The following LGR6 variants were observed in gnomAD, a reference collection of about 807,000 sequenced individuals.
The protein encoded by LGR6 is leucine rich repeat containing G protein-coupled receptor 6.
Under a neutral mutation model 69.4 loss-of-function variants are expected in LGR6, and 45 were observed. The ratio of observed to expected loss-of-function variants is 0.65; its 90% CI spans 0.51 to 0.83. LGR6 has a LOEUF of 0.83. Ranked by LOEUF, LGR6 falls within the 40% of genes least tolerant of loss-of-function variation. The pLI, the probability that LGR6 is intolerant of heterozygous loss-of-function variation, is 0.00. For missense variants in LGR6, 1,108 were observed against 1,246.7 expected, an observed-to-expected ratio of 0.89 and a Z score of 1.68; for synonymous variants, 538 against 555.0, an observed-to-expected ratio of 0.97 and a Z score of 0.43.
intron 2 of LGR6, among the ~76,000 whole-genome samples, chr1:202,227,616 C>T (rs1201454354): frequency 6.6e-6 from 1 of 152,060 alleles, no homozygotes; most frequent in Non-Finnish European, 1.5e-5. Flanking sequence ...AAACTGTGGC[C>T]GTGAGCCTTC....
intron 4 of LGR6, among the ~76,000 whole-genome samples, chr1:202,257,355 AT>A (rs1288963463): frequency 6.6e-6 from 1 of 152,160 alleles, no homozygotes; most frequent in African/African-American, 2.4e-5. Flanking sequence ...TTTTGGTGTT[AT>A]ATCTAAAAAA....
intron 14 of LGR6, 149 bp from the exon 15 acceptor site, chr1:202,308,902 C>A: frequency 3.3e-6 from 3 of 906,894 alleles, no homozygotes; most frequent in South Asian, 1.7e-5. Flanking sequence ...CCTCCCTCGG[C>A]ATTCAATGCT....
chr1:202,198,318 T>C (rs544276532), intron 1 of LGR6, among the ~76,000 whole-genome samples: 4 of 152,344 alleles, frequency 2.6e-5, no homozygotes, highest in African/African-American at 4.8e-5. Context: ...TGATTAGCCC[T>C]TCTGTGACTT....
chr1:202,218,568 A>C (rs927830866), intron 1 of LGR6, among the ~76,000 whole-genome samples: 1 of 152,218 alleles, frequency 6.6e-6, no homozygotes, highest in Non-Finnish European at 1.5e-5. Context: ...ACTTATGAGC[A>C]AGGCCAGGGA....
At chr1:202,306,579 G>A (rs935014490) in intron 12 of LGR6, among the ~76,000 whole-genome samples, 6 of 151,346 alleles carry the variant, frequency 4.0e-5, no homozygotes, top group African/African-American at 1.5e-4. Context: ...TGGGAGGTGT[G>A]GGGGCCAGTT....
chr1:202,222,398 T>A (rs909206202), intron 1 of LGR6, among the ~76,000 whole-genome samples: 1 of 151,116 alleles, frequency 6.6e-6, no homozygotes, highest in African/African-American at 2.4e-5. Context: ...CTAGTCAGGG[T>A]GGTGGGGCAG....
intron 1 of LGR6, chr1:202,197,520 AC>A (rs1219984548): frequency 1.2e-5 from 6 of 521,470 alleles, no homozygotes; most frequent in Non-Finnish European, 2.4e-5. Flanking sequence ...CTGGAAATAG[AC>A]CAAGAGGGAG....
rs1659600718 is a variant in LGR6 at position 202,214,222 on chromosome 1, G to A, written c.213-11201G>A. On this transcript the variant is annotated intron_variant, in intron 1 of 17. Transcript: ENST00000367278. ...AACCTCTCCCGGGCTGGGAGTGCAC[G>A]GCGCGGTGCGCCCAGGTAGGCTTGG... 6 of 1,541,234 alleles carry A rather than the reference G, an allele frequency of 3.9e-6. No homozygotes were observed. The East Asian group carries it at 1.1e-4, about 27-fold the overall frequency.
rs1157325752 is a variant in LGR6 at position 202,268,523 on chromosome 1, T to C, written c.429-7783T>C. On this transcript the variant is annotated intron_variant, in intron 4 of 17. Transcript: ENST00000367278. The surrounding 1 kb of genome is among the most constrained non-coding windows in gnomAD (Gnocchi z 4.4). ...TCCATTCTGTACTCCAACCAGAGAC[T>C]GAGATGTCCCCCTCCCCACCCACAT... Among the ~76,000 whole-genome samples the C allele has an allele frequency of 2.0e-5, 3 of 151,906 alleles. No homozygotes were observed. Among genetic ancestry groups the C allele is most frequent in the African/African-American group, 7.3e-5 (3 of 41,322 alleles).
intron 9 of LGR6, among the ~76,000 whole-genome samples, chr1:202,302,604 T>C (rs1386840208): frequency 2.0e-5 from 3 of 152,098 alleles, no homozygotes; most frequent in African/African-American, 4.8e-5. Flanking sequence ...TGGAGTGCAA[T>C]AGCGCAGTCT....
chr1:202,254,899 C>CAA (rs71890535), intron 4 of LGR6, among the ~76,000 whole-genome samples: 7 of 124,402 alleles, frequency 5.6e-5, no homozygotes, highest in East Asian at 2.1e-4. Context: ...TCTGTCTCTA[C>CAA]AAAAAAAAAA....
chr1:202,275,809 A>G lies in LGR6; in HGVS notation c.429-497A>G, dbSNP rs74493227. ...CTCCATTATATGGTCTTGGACTATC[A>G]TAGAACAGTTAGCAAGGTCGAGGTC... is the stretch of plus-strand genomic sequence containing the variant. On this transcript the variant is annotated intron_variant, in intron 4 of 17. Transcript: ENST00000367278. 3.0e-3 allele frequency among the ~76,000 whole-genome samples: 452 copies of G among 152,296 alleles called. 5 individuals carry two copies. Among genetic ancestry groups the G allele is most frequent in the African/African-American group, 0.01 (436 of 41,562 alleles).
intron 1 of LGR6, among the ~76,000 whole-genome samples, chr1:202,219,472 C>T (rs1660004942): frequency 1.3e-5 from 2 of 152,180 alleles, no homozygotes; most frequent in South Asian, 2.1e-4. Flanking sequence ...TAGAGGATGC[C>T]TAATTAAGAG....
At chr1:202,214,338 C>G (rs1307656452) in intron 1 of LGR6, 24 of 1,179,704 alleles carry the variant, frequency 2.0e-5, no homozygotes, top group Non-Finnish European at 1.2e-5. Context: ...TGGGGCGCTA[C>G]CCGGGCCGGC....
chr1:202,276,234 GC>G, intron 4 of LGR6, 71 bp from the exon 5 acceptor site: 1 of 1,309,908 alleles, frequency 7.6e-7, no homozygotes. Context: ...GGCCTGGCTG[GC>G]CCAGTCTAGC....
intron 5 of LGR6, among the ~76,000 whole-genome samples, 191 bp downstream of exon 5, chr1:202,276,712 A>G (rs1665589787): frequency 6.6e-6 from 1 of 152,210 alleles, no homozygotes; most frequent in Admixed American, 6.5e-5. Context: ...CATGAGGTCA[A>G]ATGACATGAG....
At position 202,264,176 on chromosome 1, in the gene LGR6, A is replaced by G. The variant is rs1664463498; in HGVS notation, c.429-12130A>G. Among the ~76,000 whole-genome samples the G allele has an allele frequency of 5.3e-5, 8 of 152,194 alleles. No individual in the cohort carries two copies. In the South Asian group the frequency reaches 1.7e-3, roughly 32 times the overall value. On this transcript the variant is annotated intron_variant, in intron 4 of 17. Transcript: ENST00000367278. Reference sequence around the variant, plus strand: ...TGGGAGCTCTTGGGAATGAGGGAGAAAATAGATTGTGGGAAGGACTGGAAC... The same window carrying G: ...TGGGAGCTCTTGGGAATGAGGGAGAGAATAGATTGTGGGAAGGACTGGAAC...
At chr1:202,205,400 A>G (rs1156959493) in intron 1 of LGR6, among the ~76,000 whole-genome samples, 2 of 33,806 alleles carry the variant, frequency 5.9e-5, no homozygotes, top group South Asian at 9.1e-4. Context: ...TCCTTCAAAC[A>G]CACACACCTC....
intron 6 of LGR6, 48 bp downstream of exon 6, chr1:202,280,900 G>A (rs1297319457): frequency 1.3e-6 from 2 of 1,551,824 alleles, no homozygotes; most frequent in Admixed American, 1.7e-5. Flanking sequence ...GGTGATGAAA[G>A]CCTGGAGTCT....
Sources: allele counts gnomAD v4.1 joint callset (sites outside exome capture counted in the v4.1 genomes callset), GRCh38; gene constraint gnomAD v4.1.1; non-coding constraint Gnocchi (gnomAD v3.1); transcripts MANE v1.5; gene names NCBI Gene and HGNC (gene_info 2026-07-23, HGNC 2026-07-21).